Variants in FMNL1 observed in about 807,000 individuals in gnomAD.
The protein encoded by FMNL1 is formin like 1, also known as formin-like protein 1.
In FMNL1, 43 loss-of-function variants were observed where a neutral mutation model predicts 121.3. The ratio of observed to expected loss-of-function variants is 0.35; its 90% CI spans 0.28 to 0.46. The LOEUF is 0.46. FMNL1 is among the 20% of genes least tolerant of loss of function. The pLI, the probability that FMNL1 is intolerant of heterozygous loss-of-function variation, is 1.00. For missense variants in FMNL1, 1,191 were observed against 1,482.4 expected (o/e 0.80, Z 3.23); for synonymous variants, 613 against 613.5 (o/e 1.00, Z 0.01).
chr17:45,240,825 C>T, intron 12 of FMNL1, 200 bp downstream of exon 12: 1 of 816,774 alleles, frequency 1.2e-6, no homozygotes, highest in South Asian at 1.8e-5. Flanking sequence ...TGTGGGTGAG[C>T]ACCCTCACTG....
At chr17:45,234,283 C>A in intron 6 of FMNL1, 83 bp downstream of exon 6, 1 of 1,607,336 alleles carries the variant, frequency 6.2e-7, no homozygotes. Context: ...CACCCCGGGC[C>A]CTTGGGGTTG....
chr17:45,246,110 T>C (rs750239749), intron 24 of FMNL1, 100 bp from the exon 25 acceptor site: 1 of 1,535,304 alleles, frequency 6.5e-7, no homozygotes, highest in Non-Finnish European at 8.8e-7. Context: ...GGGTTCTTTC[T>C]GCTCAAGCCA....
intron 1 of FMNL1, among the ~76,000 whole-genome samples, chr17:45,224,675 G>A (rs1194340862): frequency 6.6e-6 from 1 of 152,220 alleles, no homozygotes; most frequent in Admixed American, 6.5e-5. Context: ...GACAGGAGGT[G>A]CAGGGAGCCC....
rs781766370 is a variant in FMNL1, at chr17:45,246,215, G to A, written c.3096G>A (p.Pro1032=). Residue 1032 remains proline (P), a synonymous_variant, in exon 25 of 27, where the codon CCG becomes CCA. Transcript: ENST00000331495. ...GKGEPPAPKS[P]PKARRPQMDL... is the part of the protein sequence containing the mutation. ...GAGCTATAAATTCCCCCTAGTCACCGCCAAAGGCCCGGCGGCCACAGATGG... is the reference window on the plus strand; with the variant it reads ...GAGCTATAAATTCCCCCTAGTCACCACCAAAGGCCCGGCGGCCACAGATGG... The A allele has an allele frequency of 1.3e-5, 21 of 1,606,924 alleles. No homozygotes were observed. The highest frequency in any genetic ancestry group is 1.7e-4 in the Middle Eastern group (1 of 6,054).
Position 45,243,014 on chromosome 17 carries a change from G to A in FMNL1, c.2011-104G>A, listed in dbSNP as rs762686207. The stretch of plus-strand genomic sequence containing the variant: ...AGGCTGGGTTACTGGTTCTCTGCTG[G>A]TGGCCTGGTCAGGGCCAGATGGATG... On this transcript the variant is annotated intron_variant, in intron 16 of 26. Coordinates refer to ENST00000331495, the MANE Select transcript of FMNL1 (RefSeq NM_005892.4). 9.6e-6 allele frequency: 12 copies of A among 1,244,270 alleles called. No homozygotes were observed. In the East Asian group the frequency reaches 2.3e-4, roughly 24 times the overall value. The allele number at this position is 1,244,270 out of a possible 1,614,324, so 77.1% of individuals were successfully genotyped here.
At chr17:45,244,126 C>T in intron 18 of FMNL1, 50 bp from the exon 19 acceptor site, 1 of 1,610,148 alleles carries the variant, frequency 6.2e-7, no homozygotes, top group Non-Finnish European at 8.5e-7. Flanking sequence ...ACTTGAGCCT[C>T]CAGATGGAGG....
In FMNL1 at chr17:45,236,428, T is replaced by G. The variant is rs528855994; in HGVS notation, c.723+184T>G. On this transcript the variant is annotated intron_variant, in intron 7 of 26. Transcript: ENST00000331495. ...TGAGTCTTGAGGGGAAGCCCATGTTTTTGCTGCCTCTGTCAGGTTCTCTGA... is the reference window on the plus strand; with the variant it reads ...TGAGTCTTGAGGGGAAGCCCATGTTGTTGCTGCCTCTGTCAGGTTCTCTGA... The G allele has an allele frequency of 3.2e-5, 17 of 535,092 alleles. No individual in the cohort carries two copies. The African/African-American group carries it at 3.3e-4, about 10-fold the overall frequency. The allele number at this position is 535,092 out of a possible 1,614,324, so 33.1% of individuals were successfully genotyped here.
chr17:45,225,195 G>A (rs183285518), intron 1 of FMNL1, among the ~76,000 whole-genome samples: 361 of 152,368 alleles, frequency 2.4e-3, no homozygotes, highest in African/African-American at 8.5e-3. Context: ...CTCTTGGCTT[G>A]TGCCCAGAGG....
intron 11 of FMNL1, 124 bp from the exon 12 acceptor site, chr17:45,240,348 TAAAG>T (rs1428765120): frequency 2.6e-5 from 25 of 949,078 alleles, no homozygotes; most frequent in African/African-American, 3.3e-5. Flanking sequence ...TATTAAAAAA[TAAAG>T]AAAAAGTAGG....
Position 45,241,982 on chromosome 17 carries a change from C to T in FMNL1, c.1721C>T (p.Pro574Leu). The stretch of plus-strand genomic sequence containing the variant: ...CCGCCTCTCCCTGGCAGCCCGGAGC[C>T]CCCGCCTGCGCCGCCGCTGCCCGGA... ...QAPPLPGSPE[P>L]PPAPPLPGDL... is the part of the protein sequence containing the mutation. Residue 574 changes from proline to leucine, a missense_variant, in exon 15 of 27, where the codon CCC becomes CTC. By Grantham distance (98) the Pro-to-Leu change is moderately conservative (BLOSUM62 -3). Transcript: ENST00000331495. This position sits in a 1 kb window ranked among gnomAD's most constrained non-coding sequence, Gnocchi z 7.0. The T allele has an allele frequency of 7.6e-7, 1 of 1,308,268 alleles. No individual in the cohort carries two copies. Among genetic ancestry groups the T allele is most frequent in the Non-Finnish European group, 9.7e-7 (1 of 1,030,302 alleles). The allele number at this position is 1,308,268 out of a possible 1,614,324, so 81.0% of individuals were successfully genotyped here. A position where few individuals can be genotyped will look rare whatever the true frequency, so the allele number is the denominator to read the frequency against.
intron 10 of FMNL1, 127 bp from the exon 11 acceptor site, chr17:45,238,828 G>A: frequency 1.8e-6 from 2 of 1,083,538 alleles, no homozygotes; most frequent in Non-Finnish European, 1.4e-6. Flanking sequence ...TGTTGGGCAG[G>A]CCAAGGCTGG....
chr17:45,237,458 C>G lies in FMNL1; in HGVS notation c.801-88C>G, dbSNP rs906820887. On this transcript the variant is annotated intron_variant, in intron 8 of 26. Coordinates refer to ENST00000331495, the MANE Select transcript of FMNL1 (RefSeq NM_005892.4). This position sits in a 1 kb window ranked among gnomAD's most constrained non-coding sequence, Gnocchi z 4.4. ...AGGTCTCAGAGGCTCATTCTGCACC[C>G]ACTATGCTCCTCCTAGCCAGGCCTG... is the stretch of plus-strand genomic sequence containing the variant. 1 of 1,605,696 alleles carries G rather than the reference C, an allele frequency of 6.2e-7. No homozygotes were observed. The highest frequency in any genetic ancestry group is 8.5e-7 in the Non-Finnish European group (1 of 1,172,620).
chr17:45,241,015 G>A lies in FMNL1; in HGVS notation c.1231-114G>A. The A allele has an allele frequency of 7.4e-7, 1 of 1,347,142 alleles. No homozygotes were observed. The highest frequency in any genetic ancestry group is 1.0e-6 in the Non-Finnish European group (1 of 962,700). The allele number at this position is 1,347,142 out of a possible 1,614,324, so 83.4% of individuals were successfully genotyped here. On this transcript the variant is annotated intron_variant, in intron 12 of 26. Coordinates refer to ENST00000331495, the MANE Select transcript of FMNL1 (RefSeq NM_005892.4). This position sits in a 1 kb window ranked among gnomAD's most constrained non-coding sequence, Gnocchi z 7.0. ...GGCCCACCCTTGGCACCTGGGCTGA[G>A]CGGATCTGGGAGCCTCCCCCAGTCT... is the stretch of plus-strand genomic sequence containing the variant.
chr17:45,243,373 G>C, intron 17 of FMNL1, 53 bp downstream of exon 17: 1 of 1,590,854 alleles, frequency 6.3e-7, no homozygotes, highest in Non-Finnish European at 8.6e-7. Context: ...TGCTAGGCTG[G>C]GGTTGTCAGG....
rs201789328 is a variant in FMNL1 at position 45,244,898 on chromosome 17, C to T, written c.2597C>T (p.Ala866Val). Residue 866 changes from alanine to valine, a missense_variant and splice_region_variant, in exon 20 of 27, where the codon GCG (alanine) becomes GTG (valine). Transcript: ENST00000331495. ...AYGFRLQSLD[A>V]LLEMKSTDRK... ...GGCTTCCGGCTCCAGAGCCTGGATG[C>T]GGTGAGGAGGGGCCCCTGGCTTGGG... 18 of 1,613,210 alleles carry T rather than the reference C, an allele frequency of 1.1e-5. No homozygotes were observed. Among genetic ancestry groups the T allele is most frequent in the Middle Eastern group, 1.7e-4 (1 of 6,058 alleles).
Position 45,242,084 on chromosome 17 carries a change from C to T in FMNL1, c.1823C>T (p.Pro608Leu), listed in dbSNP as rs1426984384. 1 of 1,525,368 alleles carries T rather than the reference C, an allele frequency of 6.6e-7. No individual in the cohort carries two copies. The allele number at this position is 1,525,368 out of a possible 1,614,324, so 94.5% of individuals were successfully genotyped here. ...DGPVPPPPPP[P>L]PPPPGGPPDA... The stretch of plus-strand genomic sequence containing the variant: ...CCGGTGCCTCCGCCGCCGCCGCCGC[C>T]GCCGCCGCCTCCCGGAGGTCCTCCT... The change falls in exon 15 of 27, where the codon CCG (proline) becomes CTG (leucine). Residue 608 changes from proline (P) to leucine (L), a missense_variant. Transcript: ENST00000331495.
At chr17:45,222,793 G>A (rs1037421643) in intron 1 of FMNL1, among the ~76,000 whole-genome samples, 1 of 152,162 alleles carries the variant, frequency 6.6e-6, no homozygotes, top group Non-Finnish European at 1.5e-5. Flanking sequence ...GTCAGAGCCA[G>A]GGTGCCTGTG....
At chr17:45,246,379 G>C (rs772131720) in intron 25 of FMNL1, 49 bp downstream of exon 25, 6 of 1,613,940 alleles carry the variant, frequency 3.7e-6, no homozygotes, top group Admixed American at 3.3e-5. Flanking sequence ...GTCCTTCTAT[G>C]CTTTCTTCTG....
At position 45,233,572 on chromosome 17, in the gene FMNL1, T is replaced by A; in HGVS notation, c.402-76T>A. ...GGTTGAAAGGGCACCCCAGGGGTCC[T>A]TGCTGTCCCTGTTCTGTGCCCATGT... On this transcript the variant is annotated intron_variant, in intron 4 of 26. Coordinates refer to ENST00000331495, the MANE Select transcript of FMNL1 (RefSeq NM_005892.4). This position sits in a 1 kb window ranked among gnomAD's most constrained non-coding sequence, Gnocchi z 4.1. 6.4e-7 allele frequency: 1 copy of A among 1,561,322 alleles called. No homozygotes were observed.
Sources: allele counts gnomAD v4.1 joint callset (sites outside exome capture counted in the v4.1 genomes callset), GRCh38; gene constraint gnomAD v4.1.1; non-coding constraint Gnocchi (gnomAD v3.1); transcripts MANE v1.5; gene names NCBI Gene and HGNC (gene_info 2026-07-23, HGNC 2026-07-21).